The following RHPN1 variants were observed in gnomAD, a reference collection of about 807,000 sequenced individuals.
RHPN1 encodes rhophilin Rho GTPase binding protein 1, also known as rhophilin-1.
A neutral mutation model predicts 74.7 loss-of-function variants in RHPN1; 77 were observed. That is an observed-to-expected ratio of 1.03 (90% CI 0.86 to 1.25). The LOEUF (loss-of-function observed/expected upper bound fraction) is 1.25. Ranked by LOEUF, RHPN1 falls within the 50% of genes most tolerant of loss-of-function variation. The pLI, the probability that RHPN1 is intolerant of heterozygous loss-of-function variation, is 0.00. For synonymous variants in RHPN1, 444 were observed against 414.5 expected (o/e 1.07, Z -0.87); for missense variants, 987 against 932.2 (o/e 1.06, Z -0.77).
At chr8:143,370,382 A>T (rs988091604) in intron 1 of RHPN1, among the ~76,000 whole-genome samples, 3 of 152,150 alleles carry the variant, frequency 2.0e-5, no homozygotes, top group African/African-American at 7.2e-5. Context: ...CACGCGCACC[A>T]CTCAGGCTGT....
At chr8:143,379,278 C>G in intron 7 of RHPN1, 37 bp from the exon 8 acceptor site, 1 of 1,531,870 alleles carries the variant, frequency 6.5e-7, no homozygotes, top group Non-Finnish European at 8.8e-7. Context: ...TGGGCAGGTA[C>G]AGGGCCCTGC....
Position 143,379,401 on chromosome 8 carries a change from A to G in RHPN1, c.838A>G (p.Met280Val). Residue 280 changes from methionine (M) to valine (V), a missense_variant, in exon 8 of 15, where the codon ATG becomes GTG. By Grantham distance (21) the Met-to-Val change is conservative. Coordinates refer to ENST00000289013, the MANE Select transcript of RHPN1 (RefSeq NM_052924.3). ...GTCCCTCTGCGCACTGGAGCAGCTCATGATGGCCCAGGCCCAGGAATGTGT... is the reference window on the plus strand; with the variant it reads ...GTCCCTCTGCGCACTGGAGCAGCTCGTGATGGCCCAGGCCCAGGAATGTGT... ...AASLCALEQL[M>V]MAQAQECVFE... 3 of 1,592,918 alleles carry G rather than the reference A, an allele frequency of 1.9e-6. No individual in the cohort carries two copies. The highest frequency in any genetic ancestry group is 2.6e-6 in the Non-Finnish European group (3 of 1,170,242).
At chr8:143,366,356 G>A (rs1000983908), upstream of RHPN1, among the ~76,000 whole-genome samples, 8 of 151,830 alleles carry the variant, frequency 5.3e-5, no homozygotes, top group Non-Finnish European at 1.2e-4. Flanking sequence ...CAATACACAT[G>A]TAACAAACCC....
intron 4 of RHPN1, among the ~76,000 whole-genome samples, 180 bp downstream of exon 4, chr8:143,377,635 C>T (rs890470450): frequency 6.6e-6 from 1 of 151,456 alleles, no homozygotes; most frequent in African/African-American, 2.5e-5. Flanking sequence ...CCAGCCTCTG[C>T]TGCGTTCAGG....
At chr8:143,382,326 G>A (rs1818796889) in intron 14 of RHPN1, 110 bp from the exon 15 acceptor site, 1 of 949,540 alleles carries the variant, frequency 1.1e-6, no homozygotes. Flanking sequence ...CCCCAAACAA[G>A]CCCCCGACGT....
chr8:143,378,654 G>A (rs1265717973), intron 5 of RHPN1, 42 bp from the exon 6 acceptor site: 2 of 1,579,814 alleles, frequency 1.3e-6, no homozygotes, highest in Admixed American at 3.6e-5. Flanking sequence ...GTGTGAGTGG[G>A]GTGGGCCAGG....
chr8:143,378,815 C>A lies in RHPN1; in HGVS notation c.579C>A (p.Phe193Leu). Residue 193 changes from phenylalanine (F) to leucine (L), a missense_variant, in exon 6 of 15, where the codon TTC (phenylalanine) becomes TTA (leucine). Phe to Leu is a conservative substitution (Grantham distance 22). Coordinates refer to ENST00000289013, the MANE Select transcript of RHPN1 (RefSeq NM_052924.3). The stretch of plus-strand genomic sequence containing the variant: ...CTGCCAGGAGCCTCGGGCTCTTCTT[C>A]CACTGGTAGGGGCTCTGCGGGCGGA... ...LTPARSLGLF[F>L]HWYDSLTGVP... 6.4e-7 allele frequency: 1 copy of A among 1,565,038 alleles called. No homozygotes were observed. The highest frequency in any genetic ancestry group is 1.4e-5 in the African/African-American group (1 of 73,666).
At chr8:143,377,247 A>G in intron 3 of RHPN1, 133 bp from the exon 4 acceptor site, 1 of 656,238 alleles carries the variant, frequency 1.5e-6, no homozygotes. Flanking sequence ...GATGCCCCCC[A>G]GGACACAGGC....
At position 143,379,103 on chromosome 8, in the gene RHPN1, G is replaced by T. The variant is rs1818504760; in HGVS notation, c.751+25G>T. Reference sequence around the variant, plus strand: ...GGTGAGGGCGGCCCGGGCCGCGGTGGGGCACGGCGCGGTGCCAGGGTGTTG... The same window carrying T: ...GGTGAGGGCGGCCCGGGCCGCGGTGTGGCACGGCGCGGTGCCAGGGTGTTG... On this transcript the variant is annotated intron_variant, in intron 7 of 14. Transcript: ENST00000289013. 4.8e-6 allele frequency: 7 copies of T among 1,470,944 alleles called. No individual in the cohort carries two copies. The East Asian group carries it at 1.5e-4, about 31-fold the overall frequency. The allele number at this position is 1,470,944 out of a possible 1,614,324, so 91.1% of individuals were successfully genotyped here.
At position 143,375,582 on chromosome 8, in the gene RHPN1, C is replaced by T. The variant is rs753170836; in HGVS notation, c.90C>T (p.Cys30=). Residue 30 remains cysteine (C), a synonymous_variant, in exon 2 of 15, where the codon TGC becomes TGT. Transcript: ENST00000289013. ...QGCDSLTQIQ[C]GQLQSRRAQI... ...GTGACTCCCTGACGCAGATCCAGTG[C>T]GGCCAGCTGCAGAGCCGCAGGGCCC... 1.1e-5 allele frequency: 18 copies of T among 1,604,316 alleles called. No individual in the cohort carries two copies. The highest frequency in any genetic ancestry group is 9.0e-5 in the East Asian group (4 of 44,430).
At position 143,379,403 on chromosome 8, in the gene RHPN1, GAT is replaced by G. The variant is rs757732136; in HGVS notation, c.841_842del (p.Met281GlyfsTer9). The G allele has an allele frequency of 3.5e-4, 550 of 1,591,514 alleles. 1 individual carries two copies. Among genetic ancestry groups the G allele is most frequent in the Non-Finnish European group, 4.3e-4 (502 of 1,169,544 alleles). On this transcript the variant is annotated frameshift_variant, in exon 8 of 15. Transcript: ENST00000289013. LOFTEE classifies it high-confidence loss of function. ...CCCTCTGCGCACTGGAGCAGCTCATGATGGCCCAGGCCCAGGAATGTGTGTTT... is the reference window on the plus strand; with the variant it reads ...CCCTCTGCGCACTGGAGCAGCTCATGGGCCCAGGCCCAGGAATGTGTGTTT... Reference protein sequence around the residue: ...ASLCALEQLMMAQAQECVFEG... With the variant: ...ASLCALEQLMXAQAQECVFEG...
intron 3 of RHPN1, 69 bp from the exon 4 acceptor site, chr8:143,377,311 G>T (rs1411526256): frequency 3.1e-5 from 40 of 1,290,766 alleles, no homozygotes; most frequent in Non-Finnish European, 4.0e-5. Flanking sequence ...AGCCCTAGGA[G>T]TGGACCCCGG....
chr8:143,378,669 T>C (rs371409186), intron 5 of RHPN1, 27 bp from the exon 6 acceptor site: 249 of 1,587,468 alleles, frequency 1.6e-4, no homozygotes, highest in Non-Finnish European at 2.0e-4. Context: ...GCCAGGGCGG[T>C]GGGGCCCAGT....
rs375365790 is a variant in RHPN1, at chr8:143,379,014, G to A, written c.687G>A (p.Ala229=). ...NIGALHTQIG[A]RQDRSCTEGA... is the part of the protein sequence containing the mutation. ...GTGCCCTCCACACGCAGATTGGGGCGCGCCAGGACCGCTCCTGCACCGAGG... is the reference window on the plus strand; with the variant it reads ...GTGCCCTCCACACGCAGATTGGGGCACGCCAGGACCGCTCCTGCACCGAGG... Residue 229 remains alanine (A), a synonymous_variant, in exon 7 of 15, where the codon GCG becomes GCA. Transcript: ENST00000289013. 1.6e-4 allele frequency: 250 copies of A among 1,549,700 alleles called. No individual in the cohort carries two copies. Among genetic ancestry groups the A allele is most frequent in the Non-Finnish European group, 2.0e-4 (233 of 1,147,014 alleles).
Position 143,382,644 on chromosome 8 carries a change from G to A in RHPN1, c.2006G>A (p.Trp669Ter). The stretch of plus-strand genomic sequence containing the variant: ...CCCTCATCCTTGAAGCACCCAGGGT[G>A]GCCGTGAGGGCCAGGATCCCTGCAC... ...APPSSLKHPG[W>*]P The change falls in exon 15 of 15, where the codon TGG becomes TAG. Residue 669 changes from tryptophan (W) to a stop codon, truncating the protein, a stop_gained. Coordinates refer to ENST00000289013, the MANE Select transcript of RHPN1 (RefSeq NM_052924.3). LOFTEE classifies it high-confidence loss of function. 1.2e-6 allele frequency: 2 copies of A among 1,608,742 alleles called. No homozygotes were observed. The highest frequency in any genetic ancestry group is 1.7e-6 in the Non-Finnish European group (2 of 1,179,364).
At position 143,378,356 on chromosome 8, in the gene RHPN1, T is replaced by TCCCCCCCCCCCCCCCCCCCCCCCCC; in HGVS notation, c.459+15_459+16insCCCCCCCCCCCCCCCCCCCCCCCCC. 6.6e-7 allele frequency: 1 copy of TCCCCCCCCCCCCCCCCCCCCCCCCC among 1,525,438 alleles called. No homozygotes were observed. 94.5% of individuals were successfully genotyped at this position (1,525,438 alleles called of 1,614,324 possible). A position where few individuals can be genotyped will look rare whatever the true frequency, so the allele number is the denominator to read the frequency against. ...GGAGGCCCTGCGGCAGGTGTGTGGT[T>TCCCCCCCCCCCCCCCCCCCCCCCCC]CCCCCGCCCACCCACCCTCCTGCAG... On this transcript the variant is annotated intron_variant, in intron 5 of 14. Transcript: ENST00000289013.
rs1452863194 is a variant in RHPN1, at chr8:143,379,495, A to G, written c.932A>G (p.Gln311Arg). ...QDCLAQLRLAQEAAQVAAEYR... is the reference protein window; with the variant it reads ...QDCLAQLRLAREAAQVAAEYR... ...TGCCTGGCCCAGCTGCGCCTGGCGC[A>G]GGAGGCCGCCCAGGTGAGCTCGGGC... Residue 311 changes from glutamine to arginine, a missense_variant, in exon 8 of 15, where the codon CAG becomes CGG. Coordinates refer to ENST00000289013, the MANE Select transcript of RHPN1 (RefSeq NM_052924.3). The G allele has an allele frequency of 1.3e-6, 2 of 1,555,486 alleles. No homozygotes were observed. The highest frequency in any genetic ancestry group is 4.8e-5 in the East Asian group (2 of 41,424).
At chr8:143,365,937 C>T (rs1197749306), upstream of RHPN1, among the ~76,000 whole-genome samples, 1 of 149,820 alleles carries the variant, frequency 6.7e-6, no homozygotes, top group Non-Finnish European at 1.5e-5. Flanking sequence ...GTTGAGGCTG[C>T]AGTGAAGTGA....
Position 143,380,033 on chromosome 8 carries a change from G to A in RHPN1, c.1103-29G>A, listed in dbSNP as rs754223777. On this transcript the variant is annotated intron_variant, in intron 9 of 14. Transcript: ENST00000289013. ...CATGGTACTGCCAAGGCCCCCCCGC[G>A]CAGGGCTCACAGCCTCTCTGTCCCC... 23 of 1,547,218 alleles carry A rather than the reference G, an allele frequency of 1.5e-5. No individual in the cohort carries two copies. In the Admixed American group the frequency reaches 1.8e-4, roughly 12 times the overall value.
Sources: gnomAD v4.1 joint callset for allele counts (sites outside exome capture counted in the v4.1 genomes callset) on GRCh38, gnomAD v4.1.1 for gene constraint, MANE v1.5 for transcripts, NCBI Gene and HGNC (gene_info 2026-07-23, HGNC 2026-07-21) for gene names.